Variants in RAD21L1 observed in about 807,000 individuals in gnomAD.
RAD21L1 encodes the protein double-strand-break repair protein rad21-like protein 1.
A neutral mutation model predicts 69.0 loss-of-function variants in RAD21L1; 47 were observed. That is an observed-to-expected ratio of 0.68 (90% CI 0.54 to 0.87). RAD21L1 has a LOEUF of 0.87. RAD21L1 is among the 40% of genes least tolerant of loss of function. RAD21L1 has a pLI of 0.00. For synonymous variants in RAD21L1, 177 were observed against 205.8 expected, an observed-to-expected ratio of 0.86 and a Z score of 1.20; for missense variants, 583 against 647.6, an observed-to-expected ratio of 0.90 and a Z score of 1.08.
intron 1 of RAD21L1, among the ~76,000 whole-genome samples, chr20:1,226,767 G>C (rs898169380): frequency 6.6e-6 from 1 of 152,224 alleles, no homozygotes; most frequent in East Asian, 1.9e-4. Context: ...GGTGCGGGGG[G>C]AGTTTGTGTG....
intron 12 of RAD21L1, 126 bp from the exon 13 acceptor site, chr20:1,248,500 G>A (rs2087761841): frequency 3.8e-6 from 2 of 521,422 alleles, no homozygotes; most frequent in East Asian, 6.4e-5. Context: ...AAGATTATAA[G>A]CTCTTTATTT....
intron 13 of RAD21L1, among the ~76,000 whole-genome samples, chr20:1,250,672 T>G (rs2122162174): frequency 6.6e-6 from 1 of 152,358 alleles, no homozygotes; most frequent in African/African-American, 2.4e-5. Flanking sequence ...AACATATATG[T>G]GCATGTGTCT....
intron 2 of RAD21L1, 103 bp from the exon 3 acceptor site, chr20:1,229,777 T>C (rs2087352324): frequency 1.2e-6 from 1 of 850,010 alleles, no homozygotes; most frequent in African/African-American, 1.7e-5. Context: ...ACAAAATATC[T>C]GCTTTTTTAA....
At chr20:1,237,185 C>G (rs551354121) in intron 5 of RAD21L1, among the ~76,000 whole-genome samples, 240 of 152,248 alleles carry the variant, frequency 1.6e-3, no homozygotes, top group African/African-American at 5.6e-3. Context: ...GAAGACTAAC[C>G]TTGGACCTCT....
At chr20:1,239,172 C>G (rs922661520) in intron 6 of RAD21L1, 140 bp from the exon 7 acceptor site, 2 of 580,248 alleles carry the variant, frequency 3.4e-6, no homozygotes, top group African/African-American at 3.8e-5. Flanking sequence ...CCTATCAAAT[C>G]TTTTTTAAAA....
rs570190716 is a variant in RAD21L1 at position 1,245,652 on chromosome 20, T to C, written c.1309-561T>C. Among the ~76,000 whole-genome samples the C allele has an allele frequency of 1.8e-4, 27 of 152,198 alleles. 2 individuals carry two copies. Among genetic ancestry groups the C allele is most frequent in the African/African-American group, 6.5e-4 (27 of 41,540 alleles). ...AGGGACTAGGAAATCTCTGTCTCTT[T>C]TTCTTTCTTCCTTTATGTCTTCACT... On this transcript the variant is annotated intron_variant, in intron 11 of 13. Coordinates refer to ENST00000683101, the MANE Select transcript of RAD21L1 (RefSeq NM_001384355.1).
intron 2 of RAD21L1, among the ~76,000 whole-genome samples, chr20:1,229,053 T>G (rs2087329581): frequency 6.6e-6 from 1 of 152,238 alleles, no homozygotes; most frequent in Admixed American, 6.5e-5. Flanking sequence ...CAGCATTTAA[T>G]ATTGTTTTAA....
At chr20:1,239,246 T>C in intron 6 of RAD21L1, 66 bp from the exon 7 acceptor site, 1 of 847,192 alleles carries the variant, frequency 1.2e-6, no homozygotes, top group Non-Finnish European at 1.9e-6. Context: ...GTAACATTAA[T>C]AAATGTTTAG....
intron 2 of RAD21L1, among the ~76,000 whole-genome samples, chr20:1,229,502 G>A (rs1230030621): frequency 1.3e-5 from 2 of 152,136 alleles, no homozygotes; most frequent in Admixed American, 6.5e-5. Context: ...GTGACAGAGC[G>A]AGACTCCGTC....
At chr20:1,247,159 T>A (rs2087734116) in intron 12 of RAD21L1, among the ~76,000 whole-genome samples, 1 of 152,168 alleles carries the variant, frequency 6.6e-6, no homozygotes, top group African/African-American at 2.4e-5. Context: ...CTTCTGTAGA[T>A]GCAGGTTATT....
At chr20:1,233,855 A>G (rs2087442903) in intron 4 of RAD21L1, among the ~76,000 whole-genome samples, 2 of 152,188 alleles carry the variant, frequency 1.3e-5, no homozygotes, top group African/African-American at 2.4e-5. Flanking sequence ...GTCAACATCT[A>G]AGTCAAGTGC....
chr20:1,233,478 G>T (rs1038321102), intron 4 of RAD21L1, among the ~76,000 whole-genome samples: 1 of 152,124 alleles, frequency 6.6e-6, no homozygotes, highest in Non-Finnish European at 1.5e-5. Flanking sequence ...GAAGGGAGTT[G>T]TTTAGTCTGT....
intron 12 of RAD21L1, 107 bp from the exon 13 acceptor site, chr20:1,248,519 C>A: frequency 1.8e-6 from 1 of 563,382 alleles, no homozygotes; most frequent in Admixed American, 3.4e-5. Flanking sequence ...TTGGCAGGAC[C>A]CATTGTAATA....
rs948255181 is a variant in RAD21L1, at chr20:1,255,847, T to G, written c.*1390T>G. On this transcript the variant is annotated 3_prime_UTR_variant, in exon 14 of 14. Transcript: ENST00000683101. ...AGCATGTAAGCTTTCGATACGGGCT[T>G]CTTTCACTCATAAATGTCTTTGAGA... 4.8e-4 allele frequency among the ~76,000 whole-genome samples: 73 copies of G among 152,360 alleles called. No homozygotes were observed. The highest frequency in any genetic ancestry group is 1.7e-3 in the African/African-American group (69 of 41,592).
chr20:1,245,797 C>T (rs1205709765), intron 11 of RAD21L1, among the ~76,000 whole-genome samples: 1 of 151,922 alleles, frequency 6.6e-6, no homozygotes, highest in Non-Finnish European at 1.5e-5. Flanking sequence ...CTCTCACTCC[C>T]TCTCTGCTTG....
Position 1,255,836 on chromosome 20 carries a change from C to T in RAD21L1, c.*1379C>T, listed in dbSNP as rs1175661342. Reference sequence around the variant, plus strand: ...TGGAATCATATAGCATGTAAGCTTTCGATACGGGCTTCTTTCACTCATAAA... The same window carrying T: ...TGGAATCATATAGCATGTAAGCTTTTGATACGGGCTTCTTTCACTCATAAA... On this transcript the variant is annotated 3_prime_UTR_variant, in exon 14 of 14. Transcript: ENST00000683101. Among the ~76,000 whole-genome samples, 3 of 152,164 alleles carry T rather than the reference C, an allele frequency of 2.0e-5. No homozygotes were observed. The highest frequency in any genetic ancestry group is 2.4e-5 in the African/African-American group (1 of 41,422).
At chr20:1,235,074 A>G (rs182787334) in intron 5 of RAD21L1, among the ~76,000 whole-genome samples, 2 of 152,250 alleles carry the variant, frequency 1.3e-5, no homozygotes, top group Non-Finnish European at 2.9e-5. Context: ...AATATGGTGT[A>G]ATTTAACTAT....
intron 1 of RAD21L1, among the ~76,000 whole-genome samples, chr20:1,227,013 G>A (rs1312780195): frequency 6.6e-6 from 1 of 152,076 alleles, no homozygotes; most frequent in Non-Finnish European, 1.5e-5. Flanking sequence ...GGGTTCGAGC[G>A]ATTCTCCTGC....
intron 11 of RAD21L1, among the ~76,000 whole-genome samples, chr20:1,245,551 G>A (rs887115446): frequency 6.6e-6 from 1 of 152,170 alleles, no homozygotes; most frequent in Non-Finnish European, 1.5e-5. Context: ...GACAGCTGGG[G>A]AATGAAGCTT....
Sources: allele counts gnomAD v4.1 joint callset (sites outside exome capture counted in the v4.1 genomes callset), GRCh38; gene constraint gnomAD v4.1.1; transcripts MANE v1.5; gene names NCBI Gene and HGNC (gene_info 2026-07-23, HGNC 2026-07-21).